The following ANKRD11 variants were observed in gnomAD, a reference collection of about 807,000 sequenced individuals.
ANKRD11 encodes ankyrin repeat domain-containing protein 11.
In ANKRD11, 17 loss-of-function variants were observed where a neutral mutation model predicts 195.7. The observed-to-expected ratio is 0.09, with a 90% CI of 0.06 to 0.13. ANKRD11 has a LOEUF of 0.13. Ranked by LOEUF, ANKRD11 falls within the 10% of genes least tolerant of loss-of-function variation. The pLI, the probability that ANKRD11 is intolerant of heterozygous loss-of-function variation, is 1.00. For synonymous variants in ANKRD11, 1,953 were observed against 1,528.1 expected (o/e 1.28, Z -6.49); for missense variants, 3,735 against 3,566.1 (o/e 1.05, Z -1.21).
In ANKRD11 at chr16:89,283,872, C is replaced by T; in HGVS notation, c.2670G>A (p.Arg890=). ...TVKEDSKERR[R]DSRAREKRDY... ...CTCGCTTCTCCCGGGCCCGGCTGTCCCGCCTCCTCTCCTTGCTGTCCTCCT... is the reference window on the plus strand; with the variant it reads ...CTCGCTTCTCCCGGGCCCGGCTGTCTCGCCTCCTCTCCTTGCTGTCCTCCT... The change falls in exon 9 of 13, where the codon CGG becomes CGA. Residue 890 remains arginine, a synonymous_variant. Coordinates refer to ENST00000301030, the MANE Select transcript of ANKRD11 (RefSeq NM_013275.6). This position sits in a 1 kb window ranked among gnomAD's most constrained non-coding sequence, Gnocchi z 4.3. 6.2e-7 allele frequency: 1 copy of T among 1,614,142 alleles called. No homozygotes were observed. Among genetic ancestry groups the T allele is most frequent in the Non-Finnish European group, 8.5e-7 (1 of 1,180,030 alleles).
intron 9 of ANKRD11, chr16:89,278,460 G>A (rs1373818867): frequency 1.1e-5 from 5 of 450,786 alleles, no homozygotes; most frequent in Non-Finnish European, 1.8e-5. Context: ...TGGGGGAGTG[G>A]GGGTGATTCC....
chr16:89,315,152 C>G (rs987918879), intron 3 of ANKRD11, among the ~76,000 whole-genome samples: 1 of 152,222 alleles, frequency 6.6e-6, no homozygotes, highest in Non-Finnish European at 1.5e-5. Context: ...AGCCAATGCT[C>G]AGTGGAGGCA....
At chr16:89,453,967 C>CCCGCA (rs2056312980) in intron 1 of ANKRD11, among the ~76,000 whole-genome samples, 1 of 152,192 alleles carries the variant, frequency 6.6e-6, no homozygotes, top group East Asian at 1.9e-4. Context: ...CAGAGGAGCA[C>CCCGCA]CCGCACCTCG....
intron 2 of ANKRD11, among the ~76,000 whole-genome samples, chr16:89,323,516 G>A (rs1297546897): frequency 8.4e-5 from 8 of 95,280 alleles, no homozygotes; most frequent in Non-Finnish European, 1.2e-4. Context: ...GGGCAGGGGG[G>A]CTGAGCCGAG....
chr16:89,313,625 A>G lies in ANKRD11; in HGVS notation c.87+3308T>C, dbSNP rs988298034. The G allele has an allele frequency of 2.9e-5, 37 of 1,285,674 alleles. 1 individual carries two copies. The African/African-American group carries it at 4.4e-4, about 15-fold the overall frequency. The allele number at this position is 1,285,674 out of a possible 1,614,324, so 79.6% of individuals were successfully genotyped here. ...ATTGTTTTTGATAACATAAAGCTAT[A>G]TCTGGAGAAAAGGGAGTTTATGGTA... On this transcript the variant is annotated intron_variant, in intron 3 of 12. Coordinates refer to ENST00000301030, the MANE Select transcript of ANKRD11 (RefSeq NM_013275.6).
intron 2 of ANKRD11, among the ~76,000 whole-genome samples, chr16:89,364,874 C>A (rs2039881788): frequency 6.6e-6 from 1 of 152,192 alleles, no homozygotes; most frequent in South Asian, 2.1e-4. Context: ...AACAGCCTGG[C>A]ACGCAGATGG....
rs71134220 is a variant in ANKRD11 at position 89,415,829 on chromosome 16, CA to C, written c.-60+2454del. ...TGCACAACAAAGCTAGACTCTGTCT[CA>C]AAAAAAAAAAAAAAAAAAAACAATG... On this transcript the variant is annotated intron_variant, in intron 2 of 12. Coordinates refer to ENST00000301030, the MANE Select transcript of ANKRD11 (RefSeq NM_013275.6). 4.3e-3 allele frequency among the ~76,000 whole-genome samples: 172 copies of C among 39,742 alleles called. 2 individuals are homozygous for C. The highest frequency in any genetic ancestry group is 9.2e-3 in the African/African-American group (99 of 10,784). 26.1% of individuals were successfully genotyped at this position (39,742 alleles called of 152,430 possible). A position where few individuals can be genotyped will look rare whatever the true frequency, so the allele number is the denominator to read the frequency against.
intron 1 of ANKRD11, among the ~76,000 whole-genome samples, chr16:89,489,908 C>G (rs1597580343): frequency 6.8e-6 from 1 of 146,100 alleles, no homozygotes; most frequent in East Asian, 2.1e-4. Flanking sequence ...CAGGCCCGCC[C>G]GGAGCCCCCG....
chr16:89,361,168 T>C (rs1479236589), intron 2 of ANKRD11, among the ~76,000 whole-genome samples: 1 of 152,212 alleles, frequency 6.6e-6, no homozygotes, highest in Non-Finnish European at 1.5e-5. Context: ...CCTGAAACCC[T>C]GCTCAGCTAC....
At chr16:89,350,455 T>G (rs957714053) in intron 2 of ANKRD11, among the ~76,000 whole-genome samples, 12 of 152,090 alleles carry the variant, frequency 7.9e-5, no homozygotes, top group African/African-American at 2.9e-4. Context: ...ATGCGACATA[T>G]CTACCCCCTA....
intron 2 of ANKRD11, among the ~76,000 whole-genome samples, chr16:89,405,107 C>G (rs2041853226): frequency 6.6e-6 from 1 of 152,132 alleles, no homozygotes. Flanking sequence ...CACCAGTTAA[C>G]CTGGTGTCAC....
intron 11 of ANKRD11, chr16:89,271,904 C>G (rs923365650): frequency 1.3e-5 from 2 of 152,090 alleles, no homozygotes; most frequent in African/African-American, 4.8e-5. Flanking sequence ...GGGATCACAT[C>G]AAGTTCAAAA....
chr16:89,387,178 T>C (rs958121728), intron 2 of ANKRD11, among the ~76,000 whole-genome samples: 4 of 150,410 alleles, frequency 2.7e-5, no homozygotes, highest in African/African-American at 7.4e-5. Flanking sequence ...GAAGGCCCAC[T>C]AAGGACACTG....
intron 7 of ANKRD11, chr16:89,286,613 T>G (rs1433013821): frequency 8.6e-7 from 1 of 1,159,466 alleles, no homozygotes; most frequent in Non-Finnish European, 1.1e-6. Context: ...GGGAGAAGAG[T>G]GTTATGGAAA....
chr16:89,302,077 C>G (rs1334728831), intron 4 of ANKRD11, among the ~76,000 whole-genome samples: 1 of 152,194 alleles, frequency 6.6e-6, no homozygotes, highest in Non-Finnish European at 1.5e-5. Flanking sequence ...GTCAGTTAAC[C>G]CTGCACCAAT....
At chr16:89,403,914 A>T (rs1205457159) in intron 2 of ANKRD11, among the ~76,000 whole-genome samples, 1 of 152,280 alleles carries the variant, frequency 6.6e-6, no homozygotes, top group East Asian at 1.9e-4. Context: ...ACAAAGCAAG[A>T]CTTGTCTCTT....
chr16:89,289,733 A>C (rs1323334752), intron 6 of ANKRD11, among the ~76,000 whole-genome samples: 1 of 152,226 alleles, frequency 6.6e-6, no homozygotes, highest in Non-Finnish European at 1.5e-5. Flanking sequence ...AGTAAAATTT[A>C]AAATTCCTCA....
At chr16:89,323,394 G>A (rs1012420310) in intron 2 of ANKRD11, 3 of 1,256,974 alleles carry the variant, frequency 2.4e-6, no homozygotes, top group African/African-American at 3.1e-5. Flanking sequence ...CAAGGGGAGA[G>A]CAAGCAGCCC....
intron 1 of ANKRD11, among the ~76,000 whole-genome samples, chr16:89,441,255 C>T (rs1042073751): frequency 1.1e-4 from 17 of 151,780 alleles, no homozygotes; most frequent in Middle Eastern, 6.9e-3. Context: ...AAAGTTTCCT[C>T]GCTATGCATG....
Sources: allele counts gnomAD v4.1 joint callset (sites outside exome capture counted in the v4.1 genomes callset), GRCh38; gene constraint gnomAD v4.1.1; non-coding constraint Gnocchi (gnomAD v3.1); transcripts MANE v1.5; gene names NCBI Gene and HGNC (gene_info 2026-07-23, HGNC 2026-07-21).